Variants in ALPK1 observed in about 807,000 individuals in gnomAD.
ALPK1 encodes alpha kinase 1.
In ALPK1, 110 loss-of-function variants were observed where a neutral mutation model predicts 120.6. That is an observed-to-expected ratio of 0.91 (90% CI 0.78 to 1.07). ALPK1 has a LOEUF of 1.07. Among genes scored for constraint, ALPK1 ranks in the 50% least tolerant of loss-of-function variants. ALPK1 has a pLI of 0.00. For synonymous variants in ALPK1, 582 were observed against 560.3 expected, an observed-to-expected ratio of 1.04 and a Z score of -0.55; for missense variants, 1,498 against 1,483.9, an observed-to-expected ratio of 1.01 and a Z score of -0.16.
chr4:112,305,969 C>A (rs990891124), intron 1 of ALPK1, among the ~76,000 whole-genome samples: 3 of 151,958 alleles, frequency 2.0e-5, no homozygotes, highest in South Asian at 2.1e-4. Flanking sequence ...GGGCTGTTGA[C>A]TTTTGTCAAA....
At chr4:112,339,713 G>A (rs996440630) in intron 2 of ALPK1, among the ~76,000 whole-genome samples, 4 of 152,140 alleles carry the variant, frequency 2.6e-5, no homozygotes, top group South Asian at 4.1e-4. Context: ...GTTGGATATA[G>A]TCAGCTGAGT....
At chr4:112,305,922 C>G (rs866955133) in intron 1 of ALPK1, among the ~76,000 whole-genome samples, 6 of 152,110 alleles carry the variant, frequency 3.9e-5, no homozygotes, top group Middle Eastern at 3.4e-3. Flanking sequence ...CAATACATCC[C>G]ATCAATACCT....
intron 4 of ALPK1, among the ~76,000 whole-genome samples, chr4:112,411,449 T>A (rs1223555982): frequency 6.7e-6 from 1 of 149,598 alleles, no homozygotes; most frequent in Non-Finnish European, 1.5e-5. Context: ...GGTCTCAAAA[T>A]CCAGGCCTCA....
At chr4:112,303,148 A>G (rs1479060816) in intron 1 of ALPK1, among the ~76,000 whole-genome samples, 4 of 151,890 alleles carry the variant, frequency 2.6e-5, no homozygotes, top group Non-Finnish European at 4.4e-5. Flanking sequence ...TCTCTGCCCC[A>G]TTATACATGT....
Position 112,412,273 on chromosome 4 carries a change from T to C in ALPK1, c.475+248T>C. 4.3e-5 allele frequency: 27 copies of C among 630,874 alleles called. No homozygotes were observed. In the South Asian group the frequency reaches 4.3e-4, roughly 10 times the overall value. The allele number at this position is 630,874 out of a possible 1,614,324, so 39.1% of individuals were successfully genotyped here. A position where few individuals can be genotyped will look rare whatever the true frequency, so the allele number is the denominator to read the frequency against. ...AATTGTGAAAGGGTGTGGAAAATAC[T>C]AATTGGAGCTTTTGTCTTCTAACAA... On this transcript the variant is annotated intron_variant, in intron 5 of 15. Coordinates refer to ENST00000650871, the MANE Select transcript of ALPK1 (RefSeq NM_025144.4).
intron 2 of ALPK1, among the ~76,000 whole-genome samples, chr4:112,333,048 G>A (rs1000562319): frequency 5.9e-5 from 9 of 152,182 alleles, no homozygotes; most frequent in African/African-American, 2.2e-4. Flanking sequence ...GAGACTATGA[G>A]ACTGTGGTCC....
At chr4:112,420,380 C>T (rs1733934900) in intron 5 of ALPK1, among the ~76,000 whole-genome samples, 1 of 152,150 alleles carries the variant, frequency 6.6e-6, no homozygotes, top group South Asian at 2.1e-4. Context: ...ATACACATCC[C>T]TCTCATGTGC....
intron 7 of ALPK1, 49 bp downstream of exon 7, chr4:112,425,800 G>T: frequency 1.4e-6 from 2 of 1,464,078 alleles, no homozygotes; most frequent in Non-Finnish European, 9.5e-7. Context: ...TACAAAGCCT[G>T]GCTGCATGGT....
intron 5 of ALPK1, among the ~76,000 whole-genome samples, chr4:112,415,373 C>T (rs748969733): frequency 4.6e-5 from 7 of 152,312 alleles, no homozygotes; most frequent in Non-Finnish European, 7.4e-5. Context: ...CAGCGGCTCA[C>T]GCCTGTAAAC....
chr4:112,299,928 C>T (rs1727711640), intron 1 of ALPK1, among the ~76,000 whole-genome samples: 1 of 152,016 alleles, frequency 6.6e-6, no homozygotes, highest in Admixed American at 6.6e-5. Flanking sequence ...ACTCAGGGGC[C>T]AGGGGGGACT....
chr4:112,426,916 G>A (rs1734260456), intron 8 of ALPK1, among the ~76,000 whole-genome samples: 1 of 152,178 alleles, frequency 6.6e-6, no homozygotes, highest in Admixed American at 6.5e-5. Context: ...AGTGGGCGAA[G>A]ACTTCAACTG....
chr4:112,438,783 G>A, intron 13 of ALPK1, 137 bp downstream of exon 13: 1 of 945,456 alleles, frequency 1.1e-6, no homozygotes, highest in South Asian at 1.9e-5. Context: ...TACTTTCCAA[G>A]AGAGAAAGAA....
intron 1 of ALPK1, among the ~76,000 whole-genome samples, chr4:112,313,338 A>G (rs932475029): frequency 3.3e-5 from 5 of 152,166 alleles, no homozygotes; most frequent in African/African-American, 1.2e-4. Flanking sequence ...CAGGAGGAAA[A>G]CCAAGAGAGT....
At chr4:112,333,053 T>C (rs1031465341) in intron 2 of ALPK1, among the ~76,000 whole-genome samples, 3 of 152,206 alleles carry the variant, frequency 2.0e-5, no homozygotes, top group Non-Finnish European at 4.4e-5. Flanking sequence ...TATGAGACTG[T>C]GGTCCCTCAA....
intron 2 of ALPK1, among the ~76,000 whole-genome samples, chr4:112,346,012 C>T (rs545678528): frequency 2.0e-4 from 31 of 152,196 alleles, no homozygotes; most frequent in African/African-American, 6.0e-4. Flanking sequence ...TACAGGCGTG[C>T]GCTGCCATGC....
At chr4:112,318,746 A>G (rs936063741) in intron 2 of ALPK1, among the ~76,000 whole-genome samples, 2 of 152,268 alleles carry the variant, frequency 1.3e-5, no homozygotes, top group African/African-American at 4.8e-5. Flanking sequence ...GCTGAAATGA[A>G]AAAAATGAGT....
chr4:112,349,957 T>C (rs1285730744), intron 2 of ALPK1, among the ~76,000 whole-genome samples: 2 of 151,860 alleles, frequency 1.3e-5, no homozygotes, highest in East Asian at 3.9e-4. Flanking sequence ...ACTATTACAG[T>C]GTCCTAGTAG....
At chr4:112,428,281 C>G (rs1363929410) in intron 9 of ALPK1, among the ~76,000 whole-genome samples, 1 of 152,252 alleles carries the variant, frequency 6.6e-6, no homozygotes, top group Non-Finnish European at 1.5e-5. Context: ...GCCCAGATCT[C>G]TGACCAGCCC....
intron 2 of ALPK1, among the ~76,000 whole-genome samples, chr4:112,366,596 C>A (rs1321773339): frequency 6.6e-6 from 1 of 152,122 alleles, no homozygotes; most frequent in African/African-American, 2.4e-5. Context: ...TTTTACACTG[C>A]TGGTGGGAAT....
Sources: allele counts gnomAD v4.1 joint callset (sites outside exome capture counted in the v4.1 genomes callset), GRCh38; gene constraint gnomAD v4.1.1; transcripts MANE v1.5; gene names NCBI Gene and HGNC (gene_info 2026-07-23, HGNC 2026-07-21).